Variants in MEIKIN observed in about 807,000 individuals in gnomAD.
The protein encoded by MEIKIN is meiotic kinetochore factor.
At chr5:131,892,402 CT>C in intron 8 of MEIKIN, among the ~76,000 whole-genome samples, 1 of 152,280 alleles carries the variant, frequency 6.6e-6, no homozygotes, top group Admixed American at 6.5e-5. Flanking sequence ...TTCTTGGAGG[CT>C]TTGTTCGTTT....
intron 11 of MEIKIN, among the ~76,000 whole-genome samples, chr5:131,834,351 T>C (rs536868468): frequency 7.3e-4 from 111 of 152,142 alleles, no homozygotes; most frequent in Non-Finnish European, 1.2e-3. Context: ...GTAAGAACAT[T>C]TCAAATATGT....
intron 11 of MEIKIN, among the ~76,000 whole-genome samples, chr5:131,830,992 G>A (rs1479413510): frequency 6.6e-6 from 1 of 152,002 alleles, no homozygotes; most frequent in African/African-American, 2.4e-5. Context: ...CTGCCTCCTG[G>A]GTTCAAGTGA....
chr5:131,888,464 T>C (rs1010864248), intron 8 of MEIKIN, among the ~76,000 whole-genome samples: 2 of 152,244 alleles, frequency 1.3e-5, no homozygotes, highest in African/African-American at 2.4e-5. Context: ...TGGCCAGTGA[T>C]GATGAGCATT....
At chr5:131,879,158 C>G in intron 8 of MEIKIN, 110 bp from the exon 9 acceptor site, 1 of 392,734 alleles carries the variant, frequency 2.5e-6, no homozygotes, top group Non-Finnish European at 4.5e-6. Context: ...ATTTGTAAAA[C>G]CCCTGATTTT....
intron 8 of MEIKIN, among the ~76,000 whole-genome samples, chr5:131,899,936 A>G (rs1401430404): frequency 2.6e-5 from 4 of 152,344 alleles, no homozygotes; most frequent in African/African-American, 9.6e-5. Context: ...ACAAAGAAAC[A>G]TTGGACTTAA....
At chr5:131,911,215 AC>A (rs1416165664) in intron 8 of MEIKIN, among the ~76,000 whole-genome samples, 1 of 152,096 alleles carries the variant, frequency 6.6e-6, no homozygotes, top group Non-Finnish European at 1.5e-5. Context: ...CATTAAGATA[AC>A]TTCTTAAAAT....
In MEIKIN at chr5:131,936,618, G is replaced by A. The variant is rs143303045; in HGVS notation, c.350-2977C>T. Among the ~76,000 whole-genome samples the A allele has an allele frequency of 6.6e-3, 1,000 of 151,690 alleles. 4 individuals are homozygous for A. Among genetic ancestry groups the A allele is most frequent in the Middle Eastern group, 0.021 (6 of 292 alleles). On this transcript the variant is annotated intron_variant, in intron 4 of 12. Coordinates refer to ENST00000442687, the MANE Select transcript of MEIKIN (RefSeq NM_001303622.2). ...ACTTTTTTTTCTTTCTTTTTGAGAC[G>A]GAGTCTCACTCTGTCACCCAGGCTG...
chr5:131,908,265 G>A (rs1224277906), intron 8 of MEIKIN, among the ~76,000 whole-genome samples: 1 of 152,074 alleles, frequency 6.6e-6, no homozygotes, highest in East Asian at 1.9e-4. Flanking sequence ...AGGGACGCAA[G>A]GATGGTTCAA....
intron 8 of MEIKIN, among the ~76,000 whole-genome samples, chr5:131,901,713 TC>T (rs1164596311): frequency 1.3e-5 from 2 of 151,866 alleles, no homozygotes; most frequent in Non-Finnish European, 1.5e-5. Flanking sequence ...GAGCACACAA[TC>T]CAGAGGTCCT....
intron 4 of MEIKIN, among the ~76,000 whole-genome samples, chr5:131,941,041 T>C (rs1240968165): frequency 6.6e-6 from 1 of 151,350 alleles, no homozygotes; most frequent in African/African-American, 2.4e-5. Context: ...CACTGGTAGC[T>C]GCCAGAGTTT....
intron 8 of MEIKIN, among the ~76,000 whole-genome samples, chr5:131,898,431 T>C (rs1192421511): frequency 6.6e-6 from 1 of 152,218 alleles, no homozygotes; most frequent in Non-Finnish European, 1.5e-5. Context: ...TCAAACGCTG[T>C]GCTGGGAGAA....
chr5:131,854,887 T>G (rs902694773), intron 9 of MEIKIN, 53 bp from the exon 10 acceptor site: 2 of 395,354 alleles, frequency 5.1e-6, no homozygotes, highest in Non-Finnish European at 8.9e-6. Context: ...AATAAACTAT[T>G]TTAGTATAGT....
chr5:131,928,718 A>G (rs984476902), intron 5 of MEIKIN, among the ~76,000 whole-genome samples: 1 of 152,196 alleles, frequency 6.6e-6, no homozygotes, highest in Admixed American at 6.5e-5. Flanking sequence ...CTATTACATT[A>G]CTATTGTAAT....
At chr5:131,940,818 G>A (rs921505739) in intron 4 of MEIKIN, among the ~76,000 whole-genome samples, 5 of 152,106 alleles carry the variant, frequency 3.3e-5, no homozygotes, top group African/African-American at 4.8e-5. Context: ...ACGGTTCAGA[G>A]AGCCATACTA....
intron 12 of MEIKIN, among the ~76,000 whole-genome samples, chr5:131,810,174 G>A (rs1772926427): frequency 6.6e-6 from 1 of 152,130 alleles, no homozygotes; most frequent in Admixed American, 6.5e-5. Context: ...ATATATCTGT[G>A]TGATACTTCT....
intron 8 of MEIKIN, among the ~76,000 whole-genome samples, chr5:131,910,602 C>T (rs1211191978): frequency 6.6e-6 from 1 of 151,924 alleles, no homozygotes; most frequent in Non-Finnish European, 1.5e-5. Context: ...TTATTTGTAA[C>T]ACAAAGGATA....
chr5:131,905,983 C>G (rs1463959865), intron 8 of MEIKIN, among the ~76,000 whole-genome samples: 1 of 152,120 alleles, frequency 6.6e-6, no homozygotes, highest in Non-Finnish European at 1.5e-5. Context: ...GACTTCATAA[C>G]AATGACGCCA....
At chr5:131,890,383 T>C (rs140074574) in intron 8 of MEIKIN, among the ~76,000 whole-genome samples, 1 of 152,202 alleles carries the variant, frequency 6.6e-6, no homozygotes, top group Non-Finnish European at 1.5e-5. Flanking sequence ...TCAGAACCTG[T>C]TATTGGTCTA....
At chr5:131,831,412 C>A (rs1237914335) in intron 11 of MEIKIN, among the ~76,000 whole-genome samples, 1 of 152,124 alleles carries the variant, frequency 6.6e-6, no homozygotes, top group Non-Finnish European at 1.5e-5. Flanking sequence ...TAAAAATTAG[C>A]CAGTTGTGGT....
Sources: allele counts gnomAD v4.1 joint callset (sites outside exome capture counted in the v4.1 genomes callset), GRCh38; gene constraint gnomAD v4.1.1; transcripts MANE v1.5; gene names NCBI Gene and HGNC (gene_info 2026-07-23, HGNC 2026-07-21).